Variants in SYNE1 observed in about 807,000 individuals in gnomAD.
SYNE1 encodes the protein spectrin repeat containing nuclear envelope protein 1.
Under a neutral mutation model 1,111.0 loss-of-function variants are expected in SYNE1, and 616 were observed. That is an observed-to-expected ratio of 0.55 (90% CI 0.52 to 0.59). The LOEUF (loss-of-function observed/expected upper bound fraction) is 0.59. Ranked by LOEUF, SYNE1 falls within the 20% of genes least tolerant of loss-of-function variation. SYNE1 has a pLI of 0.00. For synonymous variants in SYNE1, 3,855 were observed against 3,825.8 expected (o/e 1.01, Z -0.28); for missense variants, 10,006 against 10,417.0 (o/e 0.96, Z 1.72).
At chr6:152,261,831 A>C (rs17082392) in intron 101 of SYNE1, among the ~76,000 whole-genome samples, 1 of 152,112 alleles carries the variant, frequency 6.6e-6, no homozygotes, top group Non-Finnish European at 1.5e-5. Context: ...CTATAAATCA[A>C]ATAAATTTTC....
chr6:152,589,348 T>C (rs2099550984), intron 3 of SYNE1, among the ~76,000 whole-genome samples: 2 of 152,230 alleles, frequency 1.3e-5, no homozygotes, highest in Admixed American at 1.3e-4. Flanking sequence ...AAAACCATTT[T>C]CTACCATGAA....
intron 104 of SYNE1, 47 bp from the exon 105 acceptor site, chr6:152,249,309 T>G: frequency 9.8e-7 from 1 of 1,015,242 alleles, no homozygotes; most frequent in Non-Finnish European, 1.6e-6. Flanking sequence ...AACAGGGAAT[T>G]CAAAATACTT....
At chr6:152,349,204 G>A (rs191310712) in intron 72 of SYNE1, among the ~76,000 whole-genome samples, 61 of 152,286 alleles carry the variant, frequency 4.0e-4, no homozygotes, top group South Asian at 2.5e-3. Context: ...TGACCATAAC[G>A]TCTATCACGT....
chr6:152,163,005 G>A (rs2062837676), intron 131 of SYNE1, among the ~76,000 whole-genome samples: 1 of 152,050 alleles, frequency 6.6e-6, no homozygotes, highest in South Asian at 2.1e-4. Context: ...TAAACTATAA[G>A]ATTTTAAAAA....
At chr6:152,422,527 A>G (rs747372041) in intron 39 of SYNE1, among the ~76,000 whole-genome samples, 1 of 151,864 alleles carries the variant, frequency 6.6e-6, no homozygotes, top group Non-Finnish European at 1.5e-5. Flanking sequence ...TATTGAGACA[A>G]AGTATCACTC....
chr6:152,200,767 C>G (rs187574216), intron 127 of SYNE1, among the ~76,000 whole-genome samples: 53 of 152,300 alleles, frequency 3.5e-4, no homozygotes, highest in Non-Finnish European at 3.4e-4. Flanking sequence ...TTGCATACTT[C>G]TGAATGTAAC....
At chr6:152,550,746 C>T (rs184821341) in intron 3 of SYNE1, among the ~76,000 whole-genome samples, 3 of 152,168 alleles carry the variant, frequency 2.0e-5, no homozygotes, top group East Asian at 1.9e-4. Context: ...GAAATATCAA[C>T]GTCTTTGATT....
chr6:152,451,638 T>C (rs1350003831), intron 25 of SYNE1, among the ~76,000 whole-genome samples: 4 of 151,810 alleles, frequency 2.6e-5, no homozygotes, highest in Non-Finnish European at 5.9e-5. Flanking sequence ...AGCACCACCA[T>C]GCCCAGCCAC....
At chr6:152,275,428 A>G (rs2093545036) in intron 98 of SYNE1, among the ~76,000 whole-genome samples, 1 of 152,230 alleles carries the variant, frequency 6.6e-6, no homozygotes, top group Admixed American at 6.5e-5. Flanking sequence ...AGAGTGAGTC[A>G]TATTTTGTCC....
intron 128 of SYNE1, among the ~76,000 whole-genome samples, chr6:152,181,304 T>C (rs2068014726): frequency 6.6e-6 from 1 of 151,988 alleles, no homozygotes; most frequent in South Asian, 2.1e-4. Context: ...CCCAGCTACT[T>C]GGGAAGTTGA....
Position 152,325,261 on chromosome 6 carries a change from C to A in SYNE1, c.15480G>T (p.Val5160=), listed in dbSNP as rs369261407. ...SVVNSFHEKI[V]ALEEKASQLE... ...GTTGTGAAGCTTTTTCCTCAAGGGC[C>A]ACAATTTTCTCATGGAAAGAGTTAA... The change falls in exon 81 of 146, where the codon GTG becomes GTT. Residue 5160 remains valine (V), a synonymous_variant. Transcript: ENST00000367255. 6.2e-7 allele frequency: 1 copy of A among 1,614,140 alleles called. No homozygotes were observed. The highest frequency in any genetic ancestry group is 1.7e-5 in the Admixed American group (1 of 60,022).
At position 152,390,277 on chromosome 6, in the gene SYNE1, T is replaced by C; in HGVS notation, c.8177+3A>G. 3 of 1,613,994 alleles carry C rather than the reference T, an allele frequency of 1.9e-6. No homozygotes were observed. The highest frequency in any genetic ancestry group is 1.7e-4 in the Middle Eastern group (1 of 5,996). ...AAACAAACTCTAAAAATAGGTTCTG[T>C]ACCTTTGAGCGTGGACGGAGGAGCT... On this transcript the variant is annotated splice_donor_region_variant and intron_variant, in intron 53 of 145. Coordinates refer to ENST00000367255, the MANE Select transcript of SYNE1 (RefSeq NM_182961.4).
At chr6:152,465,930 C>G (rs2098763638) in intron 17 of SYNE1, 52 bp downstream of exon 17, 1 of 1,265,094 alleles carries the variant, frequency 7.9e-7, no homozygotes, top group Admixed American at 1.7e-5. Flanking sequence ...AACCTGCAGG[C>G]TCTAAATTCT....
At chr6:152,390,201 A>G in intron 53 of SYNE1, 79 bp downstream of exon 53, 1 of 1,512,650 alleles carries the variant, frequency 6.6e-7, no homozygotes, top group South Asian at 1.1e-5. Flanking sequence ...ATTCCACCCC[A>G]GGAGACCTCA....
chr6:152,150,723 C>A (rs1447700015), intron 135 of SYNE1, among the ~76,000 whole-genome samples: 1 of 152,132 alleles, frequency 6.6e-6, no homozygotes, highest in Admixed American at 6.5e-5. Context: ...CCCTCCTATT[C>A]GAATTTCTAG....
At chr6:152,122,790 T>C in intron 145 of SYNE1, 114 bp from the exon 146 acceptor site, 1 of 1,537,660 alleles carries the variant, frequency 6.5e-7, no homozygotes, top group Non-Finnish European at 8.8e-7. Context: ...CACCCCAGCC[T>C]GGCGATCAGC....
chr6:152,308,153 G>C (rs118139901), intron 91 of SYNE1, among the ~76,000 whole-genome samples: 2 of 152,078 alleles, frequency 1.3e-5, no homozygotes, highest in African/African-American at 4.8e-5. Context: ...AGCTTTAAGC[G>C]TTGCTGTTTC....
intron 14 of SYNE1, chr6:152,480,894 C>A: frequency 2.3e-6 from 1 of 432,438 alleles, no homozygotes; most frequent in Non-Finnish European, 4.6e-6. Flanking sequence ...GGTTTCTATG[C>A]TTTGTTCACT....
Position 152,236,874 on chromosome 6 carries a change from G to T in SYNE1, c.20142C>A (p.Ser6714Arg). The change falls in exon 109 of 146, where the codon AGC becomes AGA. Residue 6714 changes from serine (S) to arginine (R), a missense_variant. Ser to Arg is a moderately radical substitution (Grantham distance 110, BLOSUM62 -1). Transcript: ENST00000367255. Reference protein sequence around the residue: ...QLEVVESSIPSVGLVEENEDR... With the variant: ...QLEVVESSIPRVGLVEENEDR... ...CCTCGTTCTCCTCCACCAGACCCAC[G>T]CTTGGGATGCTGCTTTCCACCACCT... The T allele has an allele frequency of 6.2e-7, 1 of 1,614,072 alleles. No homozygotes were observed. The highest frequency in any genetic ancestry group is 8.5e-7 in the Non-Finnish European group (1 of 1,180,018).
Sources: allele counts gnomAD v4.1 joint callset (sites outside exome capture counted in the v4.1 genomes callset), GRCh38; gene constraint gnomAD v4.1.1; transcripts MANE v1.5; gene names NCBI Gene and HGNC (gene_info 2026-07-23, HGNC 2026-07-21).